The following XKR9 variants were observed in gnomAD, a reference collection of about 807,000 sequenced individuals.
XKR9 encodes the protein XK related 9.
Under a neutral mutation model 32.0 loss-of-function variants are expected in XKR9, and 32 were observed. That is an observed-to-expected ratio of 1.00 (90% CI 0.76 to 1.34). The LOEUF (loss-of-function observed/expected upper bound fraction) is 1.34, where lower values mean the gene tolerates loss of function less well. Ranked by LOEUF, XKR9 falls within the 40% of genes most tolerant of loss-of-function variation. XKR9 has a pLI of 0.00. For missense variants in XKR9, 546 were observed against 429.7 expected (o/e 1.27, Z -2.39); for synonymous variants, 168 against 143.4 (o/e 1.17, Z -1.22).
chr8:70,899,923 A>G, the XKR9 span, among the ~76,000 whole-genome samples: 1 of 152,194 alleles, frequency 6.6e-6, no homozygotes, highest in Non-Finnish European at 1.5e-5. Context: ...GAGTATCTGT[A>G]GAGTGCATTT....
At chr8:70,714,379 A>G (rs1806020374) in intron 4 of XKR9, among the ~76,000 whole-genome samples, 1 of 151,952 alleles carries the variant, frequency 6.6e-6, no homozygotes, top group South Asian at 2.1e-4. Flanking sequence ...CAAATTTCAC[A>G]AAAGAAAGAA....
At chr8:70,848,697 A>G in the XKR9 span, among the ~76,000 whole-genome samples, 1 of 151,470 alleles carries the variant, frequency 6.6e-6, no homozygotes, top group African/African-American at 2.4e-5. Context: ...GATCCATCTC[A>G]CATGCAAAGA....
At chr8:70,822,072 TTATATC>T in the XKR9 span, among the ~76,000 whole-genome samples, 3 of 152,156 alleles carry the variant, frequency 2.0e-5, no homozygotes, top group Non-Finnish European at 4.4e-5. Flanking sequence ...TTCAATTCCT[TTATATC>T]TATATTTGCA....
At chr8:70,781,461 G>A (rs542340173) in intron 2 of XKR9, among the ~76,000 whole-genome samples, 1 of 150,798 alleles carries the variant, frequency 6.6e-6, no homozygotes, top group South Asian at 2.1e-4. Context: ...TCCGATACAT[G>A]TATGCAATGT....
At chr8:70,839,927 T>G in the XKR9 span, among the ~76,000 whole-genome samples, 1 of 152,300 alleles carries the variant, frequency 6.6e-6, no homozygotes, top group South Asian at 2.1e-4. Context: ...CCTGATAGCT[T>G]TGGCTGGGTA....
At position 70,748,608 on chromosome 8, in the gene XKR9, G is replaced by A. The variant is rs538204484; in HGVS notation, n.353-40731G>A. On this transcript the variant is annotated intron_variant and non_coding_transcript_variant, in intron 2 of 3. Coordinates refer to the XKR9 transcript ENST00000520273. Reference sequence around the variant, plus strand: ...GGTCTGCAGGTGCCCCTTGGCATGAGGAGCCTGGGCGCTGTGGATGGCATG... The same window carrying A: ...GGTCTGCAGGTGCCCCTTGGCATGAAGAGCCTGGGCGCTGTGGATGGCATG... 7.2e-5 allele frequency among the ~76,000 whole-genome samples: 11 copies of A among 152,310 alleles called. No individual in the cohort carries two copies. In the East Asian group the frequency reaches 1.5e-3, roughly 21 times the overall value.
At chr8:70,686,132 C>G (rs982280491) in intron 3 of XKR9, among the ~76,000 whole-genome samples, 1 of 151,824 alleles carries the variant, frequency 6.6e-6, no homozygotes, top group African/African-American at 2.4e-5. Flanking sequence ...AATCTTTATT[C>G]TCCTTCACTT....
the XKR9 span, among the ~76,000 whole-genome samples, chr8:70,912,173 A>G: frequency 6.6e-6 from 1 of 152,096 alleles, no homozygotes; most frequent in Non-Finnish European, 1.5e-5. Context: ...GAGGCTAGTG[A>G]TGTAGGCTAA....
At chr8:70,985,624 T>C in the XKR9 span, among the ~76,000 whole-genome samples, 4 of 152,238 alleles carry the variant, frequency 2.6e-5, no homozygotes, top group Admixed American at 2.6e-4. Flanking sequence ...TCATAACTTC[T>C]AAGGCATATG....
At chr8:70,835,960 A>G in the XKR9 span, among the ~76,000 whole-genome samples, 2 of 151,996 alleles carry the variant, frequency 1.3e-5, no homozygotes, top group Admixed American at 1.3e-4. Context: ...ATTTTGGAAA[A>G]TTTTAAATAT....
intron 2 of XKR9, among the ~76,000 whole-genome samples, chr8:70,769,711 T>C (rs1807427328): frequency 6.6e-6 from 1 of 151,894 alleles, no homozygotes; most frequent in Non-Finnish European, 1.5e-5. Flanking sequence ...GGATATCCTT[T>C]CTTCTGCTTG....
the XKR9 span, among the ~76,000 whole-genome samples, chr8:71,046,419 G>A: frequency 6.6e-6 from 1 of 152,212 alleles, no homozygotes; most frequent in African/African-American, 2.4e-5. Context: ...GTGTGGCCAT[G>A]TCATTTGTCC....
At chr8:70,900,393 C>T in the XKR9 span, among the ~76,000 whole-genome samples, 1 of 152,034 alleles carries the variant, frequency 6.6e-6, no homozygotes, top group African/African-American at 2.4e-5. Flanking sequence ...AGTTCAAGAC[C>T]AGCCTGGCTA....
chr8:70,890,272 C>A, the XKR9 span, among the ~76,000 whole-genome samples: 1 of 151,922 alleles, frequency 6.6e-6, no homozygotes, highest in Non-Finnish European at 1.5e-5. Flanking sequence ...ATTTGACTCA[C>A]TCCTTTCCAA....
chr8:70,969,807 A>G, the XKR9 span, among the ~76,000 whole-genome samples: 1 of 152,126 alleles, frequency 6.6e-6, no homozygotes, highest in Non-Finnish European at 1.5e-5. Flanking sequence ...GGTTACATGA[A>G]TAAGTTCTTT....
intron 3 of XKR9, among the ~76,000 whole-genome samples, chr8:70,702,266 A>T (rs1805565563): frequency 6.6e-6 from 1 of 152,158 alleles, no homozygotes; most frequent in Non-Finnish European, 1.5e-5. Context: ...TTGATTTCTC[A>T]CTTAAATTTA....
chr8:70,743,038 T>A (rs897514885), intron 2 of XKR9, among the ~76,000 whole-genome samples: 1 of 152,074 alleles, frequency 6.6e-6, no homozygotes, highest in Non-Finnish European at 1.5e-5. Context: ...GGAGTCCACT[T>A]CCAAATGTGT....
chr8:71,024,933 T>C, the XKR9 span, among the ~76,000 whole-genome samples: 1 of 152,246 alleles, frequency 6.6e-6, no homozygotes, highest in Non-Finnish European at 1.5e-5. Flanking sequence ...CAGAGTCCAG[T>C]GCCTCTATTC....
the XKR9 span, among the ~76,000 whole-genome samples, chr8:70,894,662 C>T: frequency 0.025 from 3,852 of 152,180 alleles, 152 homozygotes; most frequent in African/African-American, 0.089. Context: ...CCACTCTGGG[C>T]GACCAAGGCA....
Sources: gnomAD v4.1 joint callset for allele counts (sites outside exome capture counted in the v4.1 genomes callset) on GRCh38, gnomAD v4.1.1 for gene constraint, MANE v1.5 for transcripts, NCBI Gene and HGNC (gene_info 2026-07-23, HGNC 2026-07-21) for gene names.